The following CLINT1 variants were observed in gnomAD, a reference collection of about 807,000 sequenced individuals.
CLINT1 encodes the protein clathrin interactor 1.
Under a neutral mutation model 70.4 loss-of-function variants are expected in CLINT1, and 15 were observed. That is an observed-to-expected ratio of 0.21 (90% CI 0.14 to 0.33). CLINT1 has a LOEUF of 0.33. Ranked by LOEUF, CLINT1 falls within the 10% of genes least tolerant of loss-of-function variation. CLINT1 has a pLI of 1.00. For missense variants in CLINT1, 615 were observed against 778.1 expected (o/e 0.79, Z 2.49); for synonymous variants, 227 against 254.7 (o/e 0.89, Z 1.04).
intron 5 of CLINT1, among the ~76,000 whole-genome samples, chr5:157,811,930 ATTAT>A (rs1762574118): frequency 2.6e-5 from 4 of 152,190 alleles, no homozygotes; most frequent in Admixed American, 2.0e-4. Flanking sequence ...ACTTCAAAAC[ATTAT>A]TTATATGCTT....
chr5:157,788,196 G>A (rs938092406), intron 11 of CLINT1, among the ~76,000 whole-genome samples: 4 of 152,130 alleles, frequency 2.6e-5, no homozygotes, highest in Non-Finnish European at 2.9e-5. Flanking sequence ...TGGTTCCCCA[G>A]AGATGTAGAA....
At chr5:157,826,794 A>C (rs1457612166) in intron 1 of CLINT1, among the ~76,000 whole-genome samples, 1 of 152,216 alleles carries the variant, frequency 6.6e-6, no homozygotes, top group Non-Finnish European at 1.5e-5. Context: ...TAATCTGAGC[A>C]ATTTGATGAG....
At chr5:157,836,640 C>A (rs1251935326) in intron 1 of CLINT1, among the ~76,000 whole-genome samples, 2 of 152,170 alleles carry the variant, frequency 1.3e-5, no homozygotes, top group Non-Finnish European at 2.9e-5. Context: ...TGAAGCTACT[C>A]CTCTTCTTCC....
intron 5 of CLINT1, among the ~76,000 whole-genome samples, chr5:157,812,376 G>C (rs1318111864): frequency 6.6e-6 from 1 of 152,128 alleles, no homozygotes; most frequent in African/African-American, 2.4e-5. Flanking sequence ...CAAGTCCAAA[G>C]GGACATGCCG....
At chr5:157,789,184 T>C (rs182247277) in intron 11 of CLINT1, among the ~76,000 whole-genome samples, 179 bp downstream of exon 11, 41 of 152,270 alleles carry the variant, frequency 2.7e-4, no homozygotes, top group African/African-American at 7.2e-4. Context: ...TATAAAGTAA[T>C]TCAATGTGCC....
At chr5:157,788,034 T>G (rs1295247463) in intron 11 of CLINT1, 42 bp from the exon 12 acceptor site, 1 of 1,472,074 alleles carries the variant, frequency 6.8e-7, no homozygotes, top group Middle Eastern at 1.8e-4. Context: ...CCACAATAAA[T>G]TTTTAGGTTC....
chr5:157,817,297 C>T, intron 2 of CLINT1, 146 bp downstream of exon 2: 4 of 565,556 alleles, frequency 7.1e-6, no homozygotes, highest in Non-Finnish European at 1.2e-5. Flanking sequence ...ACATTAGTAT[C>T]TGAAACTCTC....
chr5:157,812,942 G>T, intron 5 of CLINT1, 121 bp downstream of exon 5: 2 of 848,772 alleles, frequency 2.4e-6, no homozygotes, highest in Non-Finnish European at 3.6e-6. Context: ...GTGTATTTTA[G>T]TATTCTATGT....
At chr5:157,842,850 C>T (rs911683523) in intron 1 of CLINT1, among the ~76,000 whole-genome samples, 3 of 152,164 alleles carry the variant, frequency 2.0e-5, no homozygotes, top group African/African-American at 7.2e-5. Context: ...CATCGTTTTG[C>T]GTGTAAGTTT....
chr5:157,817,669 A>T (rs1762764079), intron 1 of CLINT1, 122 bp from the exon 2 acceptor site: 1 of 608,422 alleles, frequency 1.6e-6, no homozygotes, highest in South Asian at 2.1e-5. Flanking sequence ...AGGATGGGAG[A>T]GAAAACATCT....
At chr5:157,803,359 T>C (rs1262301965) in intron 8 of CLINT1, among the ~76,000 whole-genome samples, 2 of 152,186 alleles carry the variant, frequency 1.3e-5, no homozygotes, top group Admixed American at 1.3e-4. Context: ...AGTATGATAA[T>C]GATTTGAGGA....
rs1215319268 is a variant in CLINT1, at chr5:157,818,370, G to A, written c.42-823C>T. ...GCAAATGGTGTTTATTTAGCACAGT[G>A]TCTGACATATAGAAAGTACTCAATA... is the stretch of plus-strand genomic sequence containing the variant. On this transcript the variant is annotated intron_variant, in intron 1 of 11. Transcript: ENST00000411809. Among the ~76,000 whole-genome samples, 3 of 147,730 alleles carry A rather than the reference G, an allele frequency of 2.0e-5. No homozygotes were observed. The East Asian group carries it at 6.0e-4, about 29-fold the overall frequency.
rs759380092 is a variant in CLINT1, at chr5:157,786,951, C to A, written c.*695G>T. On this transcript the variant is annotated 3_prime_UTR_variant, in exon 12 of 12. Coordinates refer to ENST00000411809, the MANE Select transcript of CLINT1 (RefSeq NM_014666.4). ...AGAGCAGTCCTGAAAAAAATTTCTT[C>A]CTAGTTCTGCACAGGATAATTACAG... 6.6e-5 allele frequency: 10 copies of A among 152,404 alleles called. No homozygotes were observed. The highest frequency in any genetic ancestry group is 1.4e-4 in the African/African-American group (6 of 41,402). 9.4% of individuals were successfully genotyped at this position (152,404 alleles called of 1,614,324 possible).
At chr5:157,792,031 A>T (rs369136787) in intron 9 of CLINT1, 36 bp from the exon 10 acceptor site, 103 of 1,564,644 alleles carry the variant, frequency 6.6e-5, no homozygotes, top group Non-Finnish European at 8.6e-5. Flanking sequence ...AAGAAACTTC[A>T]TGGAATGCAC....
chr5:157,813,982 CTGT>C (rs1452799345), intron 4 of CLINT1, among the ~76,000 whole-genome samples, 200 bp downstream of exon 4: 3 of 152,170 alleles, frequency 2.0e-5, no homozygotes, highest in Admixed American at 1.3e-4. Flanking sequence ...TGTGTTGGTT[CTGT>C]TGTTATTAGC....
intron 1 of CLINT1, among the ~76,000 whole-genome samples, chr5:157,845,456 T>C (rs1753338311): frequency 6.6e-6 from 1 of 152,196 alleles, no homozygotes; most frequent in Non-Finnish European, 1.5e-5. Context: ...ACCTTTCTGG[T>C]AGCGAAATAT....
chr5:157,846,742 C>G (rs1402024059), intron 1 of CLINT1, among the ~76,000 whole-genome samples: 6 of 152,240 alleles, frequency 3.9e-5, no homozygotes, highest in Non-Finnish European at 7.3e-5. Context: ...GGCTGAATCT[C>G]TTCTCATGGG....
chr5:157,842,481 G>A (rs1001479237), intron 1 of CLINT1, among the ~76,000 whole-genome samples: 6 of 152,160 alleles, frequency 3.9e-5, no homozygotes, highest in Admixed American at 3.3e-4. Flanking sequence ...AATTGTTCTA[G>A]TTAATGACAG....
chr5:157,799,052 G>A (rs1762141784), intron 8 of CLINT1, among the ~76,000 whole-genome samples: 1 of 152,154 alleles, frequency 6.6e-6, no homozygotes. Flanking sequence ...AAAAAGATCT[G>A]CCACATAATA....
Sources: allele counts gnomAD v4.1 joint callset (sites outside exome capture counted in the v4.1 genomes callset), GRCh38; gene constraint gnomAD v4.1.1; transcripts MANE v1.5; gene names NCBI Gene and HGNC (gene_info 2026-07-23, HGNC 2026-07-21).